The following SCHIP1 variants were observed in gnomAD, a reference collection of about 807,000 sequenced individuals.
SCHIP1 encodes schwannomin-interacting protein 1.
Under a neutral mutation model 29.7 loss-of-function variants are expected in SCHIP1, and 8 were observed. The ratio of observed to expected loss-of-function variants is 0.27; its 90% CI spans 0.16 to 0.49. The LOEUF (loss-of-function observed/expected upper bound fraction) is 0.49. Ranked by LOEUF, SCHIP1 falls within the 20% of genes least tolerant of loss-of-function variation. SCHIP1 has a pLI of 0.99. For synonymous variants in SCHIP1, 76 were observed against 94.9 expected (o/e 0.80, Z 1.16); for missense variants, 193 against 294.6 (o/e 0.66, Z 2.52).
At chr3:159,689,762 G>A in the SCHIP1 span, among the ~76,000 whole-genome samples, 5 of 152,232 alleles carry the variant, frequency 3.3e-5, no homozygotes. Flanking sequence ...ATTATTTTGA[G>A]CTATGTTCCA....
chr3:159,780,870 G>A, the SCHIP1 span, among the ~76,000 whole-genome samples: 31 of 152,186 alleles, frequency 2.0e-4, no homozygotes, highest in Non-Finnish European at 3.2e-4. Flanking sequence ...AAATGTCAGC[G>A]TCTAGCTGCA....
the SCHIP1 span, among the ~76,000 whole-genome samples, chr3:159,462,725 T>C: frequency 5.1e-3 from 776 of 152,256 alleles, 8 homozygotes; most frequent in African/African-American, 0.018. Flanking sequence ...CCTCGGGAAC[T>C]TTTCTTCCCC....
chr3:159,695,689 G>A, the SCHIP1 span, among the ~76,000 whole-genome samples: 1 of 152,140 alleles, frequency 6.6e-6, no homozygotes, highest in African/African-American at 2.4e-5. Flanking sequence ...TAGTACTACT[G>A]TGAGGATCTA....
chr3:159,483,179 T>C, the SCHIP1 span, among the ~76,000 whole-genome samples: 1 of 152,150 alleles, frequency 6.6e-6, no homozygotes, highest in Admixed American at 6.6e-5. Context: ...GGAATCACTT[T>C]TATGGGCACT....
At chr3:159,396,502 T>C in the SCHIP1 span, among the ~76,000 whole-genome samples, 21 of 145,054 alleles carry the variant, frequency 1.4e-4, no homozygotes, top group South Asian at 6.8e-4. Context: ...AGGAGCTCTT[T>C]TAGGGCAGGC....
At chr3:159,676,145 C>T in the SCHIP1 span, among the ~76,000 whole-genome samples, 1 of 152,080 alleles carries the variant, frequency 6.6e-6, no homozygotes, top group Non-Finnish European at 1.5e-5. Context: ...AAAAATTTTA[C>T]ATATGAAATC....
the SCHIP1 span, among the ~76,000 whole-genome samples, chr3:159,685,247 G>GTTTTGCA: frequency 6.6e-6 from 1 of 152,086 alleles, no homozygotes; most frequent in Non-Finnish European, 1.5e-5. Context: ...TCTCCTACTT[G>GTTTTGCA]TTTTGCATTT....
chr3:159,574,592 T>C, the SCHIP1 span, among the ~76,000 whole-genome samples: 1 of 152,258 alleles, frequency 6.6e-6, no homozygotes, highest in Non-Finnish European at 1.5e-5. Context: ...GAAGACAGTC[T>C]GTCCATTCTC....
chr3:159,660,781 G>A, the SCHIP1 span, among the ~76,000 whole-genome samples: 9 of 152,140 alleles, frequency 5.9e-5, no homozygotes, highest in Admixed American at 1.3e-4. Flanking sequence ...GAGTCAATCC[G>A]TAAATTATCT....
At chr3:159,834,874 G>A (rs1246255029), upstream of SCHIP1, among the ~76,000 whole-genome samples, 4 of 152,176 alleles carry the variant, frequency 2.6e-5, no homozygotes, top group African/African-American at 7.2e-5. Flanking sequence ...CCATCCCTAA[G>A]ATATTTCATT....
chr3:159,716,424 C>A, the SCHIP1 span, among the ~76,000 whole-genome samples: 1 of 152,114 alleles, frequency 6.6e-6, no homozygotes, highest in Admixed American at 6.5e-5. Context: ...TGTAAATGGG[C>A]TAAATGCTCC....
At chr3:159,765,156 C>A in the SCHIP1 span, 1 of 1,543,662 alleles carries the variant, frequency 6.5e-7, no homozygotes, top group Non-Finnish European at 8.7e-7. Flanking sequence ...GGCCGGGGTG[C>A]GTGCCCACGC....
chr3:159,851,124 A>G (rs1344306742), intron 1 of SCHIP1, among the ~76,000 whole-genome samples: 2 of 151,998 alleles, frequency 1.3e-5, no homozygotes, highest in East Asian at 3.9e-4. Flanking sequence ...AAATTTTTTA[A>G]ATTATCCAGG....
At chr3:159,318,632 CT>C in the SCHIP1 span, among the ~76,000 whole-genome samples, 1 of 152,216 alleles carries the variant, frequency 6.6e-6, no homozygotes, top group South Asian at 2.1e-4. Flanking sequence ...GGAACTCCCC[CT>C]GAGGCCATCA....
At chr3:159,609,347 A>ACG in the SCHIP1 span, among the ~76,000 whole-genome samples, 1 of 152,184 alleles carries the variant, frequency 6.6e-6, no homozygotes. Flanking sequence ...GCCATGAGGT[A>ACG]CGTAGAAGGG....
the SCHIP1 span, among the ~76,000 whole-genome samples, chr3:159,459,852 G>C: frequency 6.6e-6 from 1 of 152,118 alleles, no homozygotes; most frequent in African/African-American, 2.4e-5. Flanking sequence ...TACACAGAAG[G>C]AAGTCCACAT....
the SCHIP1 span, among the ~76,000 whole-genome samples, chr3:159,673,795 C>A: frequency 7.2e-5 from 11 of 151,966 alleles, no homozygotes; most frequent in Admixed American, 4.6e-4. Context: ...ACAACAACAA[C>A]AACAAAAAAC....
At chr3:159,783,503 A>G in the SCHIP1 span, among the ~76,000 whole-genome samples, 37,523 of 152,074 alleles carry the variant, frequency 0.25, 4,844 homozygotes, top group East Asian at 0.45. Flanking sequence ...ACTTTCCACC[A>G]GTCCTAAAAG....
At chr3:159,878,554 G>A (rs1211026590) in intron 2 of SCHIP1, among the ~76,000 whole-genome samples, 4 of 151,854 alleles carry the variant, frequency 2.6e-5, no homozygotes, top group South Asian at 2.1e-4. Context: ...CGAGGCGGGC[G>A]AATCACGAGG....
Sources: allele counts gnomAD v4.1 joint callset (sites outside exome capture counted in the v4.1 genomes callset), GRCh38; gene constraint gnomAD v4.1.1; transcripts MANE v1.5; gene names NCBI Gene and HGNC (gene_info 2026-07-23, HGNC 2026-07-21).